The following SCPEP1 variants were observed in gnomAD, a reference collection of about 807,000 sequenced individuals.
SCPEP1 encodes retinoid-inducible serine carboxypeptidase.
SCPEP1 carries 51 observed loss-of-function variants against 63.8 expected under a neutral mutation model. The observed-to-expected ratio is 0.80, with a 90% CI of 0.64 to 1.01. The LOEUF is 1.01. SCPEP1 is among the 50% of genes least tolerant of loss of function. SCPEP1 has a pLI of 0.00. For synonymous variants in SCPEP1, 204 were observed against 207.8 expected (o/e 0.98, Z 0.16); for missense variants, 499 against 554.9 (o/e 0.90, Z 1.01).
At chr17:57,002,255 T>C (rs1911762262) in intron 12 of SCPEP1, 74 bp downstream of exon 12, 1 of 1,471,782 alleles carries the variant, frequency 6.8e-7, no homozygotes, top group Non-Finnish European at 9.3e-7. Context: ...TATGCCTCTG[T>C]CCACTGCCCA....
chr17:56,993,773 C>T (rs1911466792), intron 6 of SCPEP1, among the ~76,000 whole-genome samples: 2 of 152,262 alleles, frequency 1.3e-5, no homozygotes, highest in South Asian at 4.1e-4. Context: ...CTGTCTATGG[C>T]TGTTTGGAGG....
At chr17:57,001,938 A>C in intron 11 of SCPEP1, 80 bp from the exon 12 acceptor site, 1 of 1,464,178 alleles carries the variant, frequency 6.8e-7, no homozygotes, top group South Asian at 1.3e-5. Context: ...TTTGGGAAGC[A>C]CCAACTTTTA....
intron 12 of SCPEP1, 72 bp downstream of exon 12, chr17:57,002,253 T>C (rs1911762161): frequency 6.7e-7 from 1 of 1,483,942 alleles, no homozygotes; most frequent in East Asian, 2.3e-5. Context: ...ATTATGCCTC[T>C]GTCCACTGCC....
At chr17:56,990,130 G>A (rs916990651) in intron 5 of SCPEP1, among the ~76,000 whole-genome samples, 5 of 152,258 alleles carry the variant, frequency 3.3e-5, no homozygotes, top group African/African-American at 9.6e-5. Flanking sequence ...GTTGTGGAAC[G>A]ATATGAGATA....
chr17:56,987,318 C>T (rs1268573800), intron 3 of SCPEP1: 2 of 162,896 alleles, frequency 1.2e-5, no homozygotes, highest in Non-Finnish European at 2.7e-5. Flanking sequence ...TTTGAGTGTC[C>T]TCTGGCTTCT....
chr17:56,988,753 A>G (rs1806400315), intron 5 of SCPEP1, among the ~76,000 whole-genome samples: 1 of 152,088 alleles, frequency 6.6e-6, no homozygotes, highest in African/African-American at 2.4e-5. Context: ...TGTATAAAAT[A>G]TTAATTCTGG....
chr17:56,998,523 C>T (rs767779453), intron 10 of SCPEP1, 25 bp downstream of exon 10: 2 of 1,537,694 alleles, frequency 1.3e-6, no homozygotes, highest in South Asian at 1.1e-5. Context: ...TAATTAAGTG[C>T]CGTTTGTACA....
intron 11 of SCPEP1, among the ~76,000 whole-genome samples, chr17:57,001,649 AC>A (rs1174454022): frequency 1.4e-5 from 2 of 145,970 alleles, no homozygotes; most frequent in Non-Finnish European, 3.1e-5. Context: ...TTCTCGATGA[AC>A]ATCCCAGGTG....
intron 2 of SCPEP1, 42 bp downstream of exon 2, chr17:56,981,272 C>G (rs1465146872): frequency 1.2e-6 from 2 of 1,610,666 alleles, no homozygotes; most frequent in Admixed American, 3.3e-5. Flanking sequence ...AAAGCCAAGT[C>G]TCCTCTGTGT....
At chr17:56,995,793 T>A in intron 8 of SCPEP1, 158 bp downstream of exon 8, 1 of 710,160 alleles carries the variant, frequency 1.4e-6, no homozygotes, top group Non-Finnish European at 2.0e-6. Flanking sequence ...GTCTAAGCAG[T>A]GATGTAGTGG....
chr17:56,982,356 C>G (rs748305005), intron 2 of SCPEP1, among the ~76,000 whole-genome samples: 7 of 152,128 alleles, frequency 4.6e-5, no homozygotes, highest in Non-Finnish European at 7.4e-5. Flanking sequence ...CCAGGATGGT[C>G]GATGCAGACT....
intron 3 of SCPEP1, chr17:56,987,292 T>G (rs1911250500): frequency 6.3e-6 from 1 of 157,644 alleles, no homozygotes. Flanking sequence ...CCAAGAAAAC[T>G]GATGTGTGTC....
chr17:57,000,317 ATGCTG>A (rs1399151671), intron 10 of SCPEP1, among the ~76,000 whole-genome samples: 1 of 152,118 alleles, frequency 6.6e-6, no homozygotes, highest in African/African-American at 2.4e-5. Context: ...TGTTAGGATA[ATGCTG>A]ATGGGCAGGA....
chr17:57,003,260 A>G (rs935770160), intron 12 of SCPEP1, among the ~76,000 whole-genome samples: 1 of 152,104 alleles, frequency 6.6e-6, no homozygotes, highest in Admixed American at 6.6e-5. Context: ...GAATTTTCAT[A>G]CCACTCTAAG....
intron 3 of SCPEP1, chr17:56,987,410 G>A (rs1003272096): frequency 1.0e-5 from 3 of 296,536 alleles, no homozygotes; most frequent in African/African-American, 2.2e-5. Flanking sequence ...TGTATGAAAA[G>A]CAACAGCCCA....
intron 12 of SCPEP1, 50 bp downstream of exon 12, chr17:57,002,231 C>T: frequency 6.3e-7 from 1 of 1,580,976 alleles, no homozygotes; most frequent in Non-Finnish European, 8.6e-7. Context: ...GAGAGGGAAG[C>T]CACAGGCGGT....
At position 56,978,170 on chromosome 17, in the gene SCPEP1, C is replaced by T. The variant is rs563260816; in HGVS notation, c.11C>T (p.Ala4Val). 151 of 1,480,818 alleles carry T rather than the reference C, an allele frequency of 1.0e-4. No individual in the cohort carries two copies. The highest frequency in any genetic ancestry group is 1.4e-4 in the Non-Finnish European group (150 of 1,080,756). 91.7% of individuals were successfully genotyped at this position (1,480,818 alleles called of 1,614,324 possible). A position where few individuals can be genotyped will look rare whatever the true frequency, so the allele number is the denominator to read the frequency against. The stretch of plus-strand genomic sequence containing the variant: ...CGTGCGGTACTTGTCATGGAGCTGG[C>T]ACTGCGGCGCTCTCCCGTCCCGCGG... MELALRRSPVPRWL... is the reference protein window; with the variant it reads MELVLRRSPVPRWL... The change falls in exon 1 of 13, where the codon GCA becomes GTA. Residue 4 changes from alanine (A) to valine (V), a missense_variant. Ala to Val is a moderately conservative substitution (Grantham distance 64, BLOSUM62 0). Transcript: ENST00000262288.
chr17:56,996,353 C>G (rs1344659058), intron 8 of SCPEP1, among the ~76,000 whole-genome samples: 1 of 151,048 alleles, frequency 6.6e-6, no homozygotes, highest in African/African-American at 2.4e-5. Context: ...AATTGGCACG[C>G]ACCACCGCAC....
intron 6 of SCPEP1, among the ~76,000 whole-genome samples, chr17:56,993,763 C>T (rs1911466550): frequency 6.6e-6 from 1 of 152,120 alleles, no homozygotes; most frequent in Non-Finnish European, 1.5e-5. Flanking sequence ...AGTTAATTTA[C>T]TGTCTATGGC....
Sources: gnomAD v4.1 joint callset for allele counts (sites outside exome capture counted in the v4.1 genomes callset) on GRCh38, gnomAD v4.1.1 for gene constraint, MANE v1.5 for transcripts, NCBI Gene and HGNC (gene_info 2026-07-23, HGNC 2026-07-21) for gene names.